TMEM63C: variants seen among roughly 807,000 people sequenced by gnomAD.
TMEM63C encodes the protein osmosensitive cation channel TMEM63C.
Under a neutral mutation model 99.2 loss-of-function variants are expected in TMEM63C, and 32 were observed. The ratio of observed to expected loss-of-function variants is 0.32; its 90% CI spans 0.24 to 0.43. The LOEUF (loss-of-function observed/expected upper bound fraction) is 0.43, where lower values mean the gene tolerates loss of function less well. Ranked by LOEUF, TMEM63C falls within the 20% of genes least tolerant of loss-of-function variation. The probability of loss-of-function intolerance (pLI) is 1.00; values close to 1 mark genes in which losing one functional copy is unlikely to be tolerated. For synonymous variants in TMEM63C, 376 were observed against 397.9 expected, an observed-to-expected ratio of 0.94 and a Z score of 0.66; for missense variants, 826 against 1,053.0, an observed-to-expected ratio of 0.78 and a Z score of 2.98.
intron 1 of TMEM63C, among the ~76,000 whole-genome samples, chr14:77,206,420 C>G (rs1462611685): frequency 1.3e-5 from 2 of 152,362 alleles, no homozygotes; most frequent in Non-Finnish European, 2.9e-5. Context: ...AGGCTTGCCT[C>G]TGGCTTTCAG....
At chr14:77,219,949 G>A in intron 4 of TMEM63C, 57 bp from the exon 5 acceptor site, 2 of 1,504,600 alleles carry the variant, frequency 1.3e-6, no homozygotes, top group Non-Finnish European at 1.8e-6. Flanking sequence ...GAGCAGGGCA[G>A]GCAGCTGAGA....
chr14:77,240,954 T>TGAGAGAGTC (rs1889164027), intron 13 of TMEM63C, among the ~76,000 whole-genome samples: 1 of 142,244 alleles, frequency 7.0e-6, no homozygotes, highest in East Asian at 2.1e-4. Flanking sequence ...TTTCTTTTTT[T>TGAGAGAGTC]TTTTTTTTCT....
intron 5 of TMEM63C, among the ~76,000 whole-genome samples, chr14:77,224,762 A>G (rs1888787520): frequency 6.6e-6 from 1 of 152,156 alleles, no homozygotes; most frequent in Admixed American, 6.6e-5. Flanking sequence ...CATGATGTTT[A>G]CTGAGGTGCA....
rs1249351208 is a variant in TMEM63C at position 77,218,905 on chromosome 14, A to G, written c.92A>G (p.Gln31Arg). Residue 31 changes from glutamine to arginine, a missense_variant, in exon 3 of 24, where the codon CAG becomes CGG. By Grantham distance (43) the Gln-to-Arg change is conservative. Transcript: ENST00000298351. ...ECFQSRNTVL[Q>R]GQPFGGVPTV... ...TTCCAGTCTCGGAACACCGTCCTCC[A>G]GGGGCAGCCCTTTGGGGGTGTCCCC... 6.2e-7 allele frequency: 1 copy of G among 1,612,170 alleles called. No individual in the cohort carries two copies. The highest frequency in any genetic ancestry group is 1.7e-5 in the Admixed American group (1 of 59,810).
intron 8 of TMEM63C, among the ~76,000 whole-genome samples, chr14:77,234,210 G>A (rs908067612): frequency 1.3e-5 from 2 of 152,198 alleles, no homozygotes; most frequent in Non-Finnish European, 1.5e-5. Flanking sequence ...GCTCCAGCAA[G>A]TGTGAGTGGG....
Position 77,226,044 on chromosome 14 carries a change from C to T in TMEM63C, c.350+583C>T, listed in dbSNP as rs147491582. On this transcript the variant is annotated intron_variant, in intron 6 of 23. Coordinates refer to ENST00000298351, the MANE Select transcript of TMEM63C (RefSeq NM_020431.4). The stretch of plus-strand genomic sequence containing the variant: ...TCCTGATTCCCCAACACCAGCCAGA[C>T]GCTTCAGCAGAGCAGACACTTACCG... 2.2e-3 allele frequency among the ~76,000 whole-genome samples: 330 copies of T among 152,310 alleles called. 2 individuals are homozygous for T. Among genetic ancestry groups the T allele is most frequent in the African/African-American group, 4.4e-3 (181 of 41,562 alleles).
intron 5 of TMEM63C, among the ~76,000 whole-genome samples, chr14:77,222,572 G>T (rs1181667298): frequency 6.6e-6 from 1 of 152,132 alleles, no homozygotes; most frequent in African/African-American, 2.4e-5. Flanking sequence ...CTGTGCCGTG[G>T]CCTGGTAGTT....
At chr14:77,233,652 G>A (rs1242263613) in intron 8 of TMEM63C, among the ~76,000 whole-genome samples, 152 bp downstream of exon 8, 2 of 152,026 alleles carry the variant, frequency 1.3e-5, no homozygotes, top group African/African-American at 4.8e-5. Flanking sequence ...GATGCCAGAA[G>A]CTGCATCCTC....
Position 77,209,134 on chromosome 14 carries a change from TTAAC to T in TMEM63C, c.-76-4307_-76-4304del, listed in dbSNP as rs1341110710. 2.6e-5 allele frequency among the ~76,000 whole-genome samples: 4 copies of T among 152,152 alleles called. No homozygotes were observed. In the East Asian group the frequency reaches 7.7e-4, roughly 29 times the overall value. ...AAAGAGTCTCCATGCACTATGCCCT[TTAAC>T]TAACACTCATAATCACCCTGGTATA... On this transcript the variant is annotated intron_variant, in intron 1 of 23. Coordinates refer to ENST00000298351, the MANE Select transcript of TMEM63C (RefSeq NM_020431.4).
At chr14:77,248,157 T>C (rs1659800279) in intron 18 of TMEM63C, among the ~76,000 whole-genome samples, 190 bp from the exon 19 acceptor site, 1 of 152,136 alleles carries the variant, frequency 6.6e-6, no homozygotes, top group African/African-American at 2.4e-5. Flanking sequence ...CTTCATTGGG[T>C]TGGGGACATA....
chr14:77,199,860 G>A (rs1888270555), intron 1 of TMEM63C, among the ~76,000 whole-genome samples: 1 of 152,226 alleles, frequency 6.6e-6, no homozygotes, highest in Non-Finnish European at 1.5e-5. Flanking sequence ...GGCCCACTCA[G>A]ACAACGAAGG....
rs767189515 is a variant in TMEM63C, at chr14:77,243,068, G to T, written c.1341+12G>T. 8.1e-6 allele frequency: 13 copies of T among 1,613,176 alleles called. No individual in the cohort carries two copies. The highest frequency in any genetic ancestry group is 1.1e-5 in the Non-Finnish European group (13 of 1,179,734). On this transcript the variant is annotated intron_variant, in intron 15 of 23. Transcript: ENST00000298351. ...TCGAGAAGCTGCAGGTGCCTCCTCT[G>T]CTCAGGCCAGGCCTGGGGACCCCAG... is the stretch of plus-strand genomic sequence containing the variant.
chr14:77,192,101 G>C (rs1052403786), intron 1 of TMEM63C, among the ~76,000 whole-genome samples: 1 of 152,014 alleles, frequency 6.6e-6, no homozygotes, highest in Non-Finnish European at 1.5e-5. Context: ...ATATAAATAC[G>C]GCCATCCTTG....
At chr14:77,224,843 T>A (rs55939042) in intron 5 of TMEM63C, among the ~76,000 whole-genome samples, 17,808 of 151,926 alleles carry the variant, frequency 0.12, 1,097 homozygotes, top group Middle Eastern at 0.18. Flanking sequence ...TTTTTTTTTT[T>A]AATTTTAATA....
At chr14:77,248,175 T>G (rs1203045773) in intron 18 of TMEM63C, among the ~76,000 whole-genome samples, 172 bp from the exon 19 acceptor site, 1 of 152,156 alleles carries the variant, frequency 6.6e-6, no homozygotes, top group Non-Finnish European at 1.5e-5. Flanking sequence ...ATATATATTA[T>G]AGGAGAGAGA....
chr14:77,237,361 G>A (rs964833846), intron 9 of TMEM63C, among the ~76,000 whole-genome samples: 1 of 152,082 alleles, frequency 6.6e-6, no homozygotes, highest in Non-Finnish European at 1.5e-5. Flanking sequence ...TCTCAGTTTG[G>A]GTGACCCCAT....
intron 2 of TMEM63C, among the ~76,000 whole-genome samples, chr14:77,214,210 T>G (rs1264582899): frequency 6.6e-6 from 1 of 152,150 alleles, no homozygotes; most frequent in Non-Finnish European, 1.5e-5. Context: ...GATGAACACA[T>G]CCTAACACTC....
At position 77,218,861 on chromosome 14, in the gene TMEM63C, C is replaced by T; in HGVS notation, c.48C>T (p.Asn16=). ...TGAGTACAGGGGGAAGGTTACAGAACATGACAGTGGATGAATGCTTCCAGT... is the reference window on the plus strand; with the variant it reads ...TGAGTACAGGGGGAAGGTTACAGAATATGACAGTGGATGAATGCTTCCAGT... ...DDLSTGGRLQ[N]MTVDECFQSR... Residue 16 remains asparagine (N), a synonymous_variant, in exon 3 of 24, where the codon AAC becomes AAT. Transcript: ENST00000298351. The T allele has an allele frequency of 6.2e-7, 1 of 1,613,788 alleles. No homozygotes were observed. Among genetic ancestry groups the T allele is most frequent in the Non-Finnish European group, 8.5e-7 (1 of 1,179,814 alleles).
chr14:77,201,608 C>T (rs1021610650), intron 1 of TMEM63C, among the ~76,000 whole-genome samples: 6 of 152,174 alleles, frequency 3.9e-5, no homozygotes, highest in African/African-American at 1.4e-4. Context: ...GATTCTCAGG[C>T]GCTACCCAAG....
Sources: allele counts gnomAD v4.1 joint callset (sites outside exome capture counted in the v4.1 genomes callset), GRCh38; gene constraint gnomAD v4.1.1; transcripts MANE v1.5; gene names NCBI Gene and HGNC (gene_info 2026-07-23, HGNC 2026-07-21).